The following TTC28 variants were observed in gnomAD, a reference collection of about 807,000 sequenced individuals.
TTC28 encodes tetratricopeptide repeat domain 28, also known as tetratricopeptide repeat protein 28.
A neutral mutation model predicts 198.0 loss-of-function variants in TTC28; 61 were observed. The observed-to-expected ratio is 0.31, with a 90% confidence interval of 0.25 to 0.38. The LOEUF (loss-of-function observed/expected upper bound fraction) is 0.38. Among genes scored for constraint, TTC28 ranks in the 10% least tolerant of loss-of-function variants. The pLI is 1.00. For missense variants in TTC28, 2,678 were observed against 3,164.0 expected (o/e 0.85, Z 3.69); for synonymous variants, 1,171 against 1,297.8 (o/e 0.90, Z 2.10).
At chr22:28,328,445 A>G (rs2045564394) in intron 2 of TTC28, among the ~76,000 whole-genome samples, 3 of 151,964 alleles carry the variant, frequency 2.0e-5, no homozygotes, top group Admixed American at 6.6e-5. Context: ...TGTTTCTTTA[A>G]AAAAATATAT....
At chr22:28,479,780 C>T (rs2048219758) in intron 2 of TTC28, among the ~76,000 whole-genome samples, 2 of 152,154 alleles carry the variant, frequency 1.3e-5, no homozygotes, top group Admixed American at 6.5e-5. Flanking sequence ...ACCCTAGTCT[C>T]TTCATCTTTG....
intron 2 of TTC28, among the ~76,000 whole-genome samples, chr22:28,465,253 A>G (rs1435300844): frequency 6.6e-6 from 1 of 152,226 alleles, no homozygotes; most frequent in Non-Finnish European, 1.5e-5. Flanking sequence ...GAAGAGAACC[A>G]GAAGTTCAAT....
At position 27,983,523 on chromosome 22, in the gene TTC28, T is replaced by C; in HGVS notation, c.6144A>G (p.Ala2048=). 6.4e-7 allele frequency: 1 copy of C among 1,550,646 alleles called. No individual in the cohort carries two copies. Among genetic ancestry groups the C allele is most frequent in the Non-Finnish European group, 8.7e-7 (1 of 1,146,708 alleles). Residue 2048 remains alanine (A), a synonymous_variant, in exon 23 of 23, where the codon GCA becomes GCG. Transcript: ENST00000397906. ...RSQLPPQTRP[A]GNKDEEEYEG... ...CATATTCTTCTTCATCTTTGTTGCC[T>C]GCAGGGCGGGTCTGGGGAGGCAGCT...
intron 2 of TTC28, among the ~76,000 whole-genome samples, chr22:28,497,823 G>C (rs1299939680): frequency 6.6e-6 from 1 of 152,136 alleles, no homozygotes; most frequent in Non-Finnish European, 1.5e-5. Flanking sequence ...GTTTGCTTCT[G>C]GGAGGAGTGA....
At chr22:28,055,273 G>A (rs926499312) in intron 12 of TTC28, among the ~76,000 whole-genome samples, 5 of 152,134 alleles carry the variant, frequency 3.3e-5, no homozygotes, top group African/African-American at 1.2e-4. Flanking sequence ...ACTGAGCACA[G>A]GGATACTCAA....
At chr22:28,426,197 G>C (rs1180696417) in intron 2 of TTC28, among the ~76,000 whole-genome samples, 1 of 136,454 alleles carries the variant, frequency 7.3e-6, no homozygotes, top group East Asian at 2.1e-4. Context: ...GGGTGACAGA[G>C]TGAGACTCCA....
intron 5 of TTC28, among the ~76,000 whole-genome samples, chr22:28,237,615 G>A (rs1416523845): frequency 6.6e-6 from 1 of 152,102 alleles, no homozygotes; most frequent in African/African-American, 2.4e-5. Flanking sequence ...TCACTGCTGT[G>A]TTACCTAGTC....
At chr22:28,225,896 T>C (rs571553959) in intron 5 of TTC28, among the ~76,000 whole-genome samples, 3 of 152,364 alleles carry the variant, frequency 2.0e-5, no homozygotes, top group African/African-American at 7.2e-5. Flanking sequence ...GTAGATACTC[T>C]GTCTTTGTTG....
intron 12 of TTC28, among the ~76,000 whole-genome samples, chr22:28,087,004 T>C (rs1027817646): frequency 1.3e-5 from 2 of 152,172 alleles, no homozygotes; most frequent in Admixed American, 6.5e-5. Context: ...GGCTCCGAAA[T>C]TGTAGCAATA....
chr22:28,501,743 T>G (rs2048540881), intron 2 of TTC28, among the ~76,000 whole-genome samples: 1 of 152,230 alleles, frequency 6.6e-6, no homozygotes, highest in Non-Finnish European at 1.5e-5. Flanking sequence ...CAAGTAAAAT[T>G]AAAACATTCA....
intron 2 of TTC28, among the ~76,000 whole-genome samples, chr22:28,488,522 G>A (rs549486209): frequency 6.6e-6 from 1 of 151,492 alleles, no homozygotes; most frequent in East Asian, 1.9e-4. Flanking sequence ...TATTATCAAT[G>A]GGTATGTTAT....
chr22:28,164,536 T>C (rs976199368), intron 5 of TTC28, among the ~76,000 whole-genome samples: 47 of 152,238 alleles, frequency 3.1e-4, no homozygotes, highest in African/African-American at 1.1e-3. Flanking sequence ...GCAAACAGGG[T>C]CTGGAGTGGA....
chr22:28,038,142 T>C (rs1219207692), intron 12 of TTC28, among the ~76,000 whole-genome samples: 8 of 152,198 alleles, frequency 5.3e-5, no homozygotes, highest in Admixed American at 1.3e-4. Flanking sequence ...TACCAATGAC[T>C]TTCTTCACAG....
chr22:28,062,809 T>C (rs1940604792), intron 12 of TTC28, among the ~76,000 whole-genome samples: 1 of 152,212 alleles, frequency 6.6e-6, no homozygotes, highest in South Asian at 2.1e-4. Flanking sequence ...TGCCTTATAT[T>C]TTTATTCATT....
chr22:28,064,590 A>G (rs1940681624), intron 12 of TTC28, among the ~76,000 whole-genome samples: 1 of 152,094 alleles, frequency 6.6e-6, no homozygotes, highest in South Asian at 2.1e-4. Flanking sequence ...GAATAAAAAT[A>G]TTTTACTCCA....
In TTC28 at chr22:28,378,020, C is replaced by G. The variant is rs139479060; in HGVS notation, c.382-71377G>C. Among the ~76,000 whole-genome samples, 7 of 151,660 alleles carry G rather than the reference C, an allele frequency of 4.6e-5. No homozygotes were observed. In the East Asian group the frequency reaches 7.8e-4, roughly 17 times the overall value. On this transcript the variant is annotated intron_variant, in intron 2 of 22. Coordinates refer to ENST00000397906, the MANE Select transcript of TTC28 (RefSeq NM_001145418.2). ...AGACATTTTTCAAAAAGACACAAAGCAAAAAAAATGCAATGTCTCACATTT... is the reference window on the plus strand; with the variant it reads ...AGACATTTTTCAAAAAGACACAAAGGAAAAAAAATGCAATGTCTCACATTT...
chr22:28,438,492 T>A (rs894248927), intron 2 of TTC28, among the ~76,000 whole-genome samples: 3 of 152,200 alleles, frequency 2.0e-5, no homozygotes, highest in Admixed American at 2.0e-4. Flanking sequence ...ATCATATGAC[T>A]CTCAAATGAC....
intron 5 of TTC28, among the ~76,000 whole-genome samples, chr22:28,174,741 C>T (rs536711174): frequency 1.6e-4 from 25 of 152,120 alleles, no homozygotes; most frequent in African/African-American, 5.8e-4. Context: ...AAGAAAAATC[C>T]ACCCTTTACT....
intron 2 of TTC28, among the ~76,000 whole-genome samples, chr22:28,431,361 G>A (rs2047426796): frequency 1.3e-5 from 2 of 152,098 alleles, no homozygotes; most frequent in South Asian, 4.2e-4. Context: ...GTCTATTAAG[G>A]AATAATATAT....
Sources: allele counts gnomAD v4.1 joint callset (sites outside exome capture counted in the v4.1 genomes callset), GRCh38; gene constraint gnomAD v4.1.1; transcripts MANE v1.5; gene names NCBI Gene and HGNC (gene_info 2026-07-23, HGNC 2026-07-21).